RASEF: variants seen among roughly 807,000 people sequenced by gnomAD.
RASEF encodes ras and EF-hand domain-containing protein.
In RASEF, 68 loss-of-function variants were observed where a neutral mutation model predicts 90.1. The observed-to-expected ratio is 0.75, with a 90% CI of 0.62 to 0.92. The LOEUF (loss-of-function observed/expected upper bound fraction) is 0.92, where lower values mean the gene tolerates loss of function less well. Ranked by LOEUF, RASEF falls within the 40% of genes least tolerant of loss-of-function variation. RASEF has a pLI of 0.00. For missense variants in RASEF, 949 were observed against 937.2 expected (o/e 1.01, Z -0.16); for synonymous variants, 331 against 345.2 (o/e 0.96, Z 0.46).
the RASEF span, among the ~76,000 whole-genome samples, chr9:83,213,547 A>G: frequency 4.6e-5 from 7 of 152,286 alleles, no homozygotes; most frequent in East Asian, 1.2e-3. Context: ...ATAACCTGCA[A>G]TTCCATCTCA....
the RASEF span, among the ~76,000 whole-genome samples, chr9:83,191,044 T>C: frequency 6.5e-4 from 99 of 152,304 alleles, no homozygotes; most frequent in Middle Eastern, 3.4e-3. Context: ...GAGACATTCT[T>C]ACAAAGGAAT....
the RASEF span, among the ~76,000 whole-genome samples, chr9:83,173,365 C>T: frequency 4.6e-5 from 7 of 151,722 alleles, no homozygotes; most frequent in Non-Finnish European, 7.4e-5. Context: ...TTATGGCCAC[C>T]GACTCAAGAT....
At chr9:83,146,941 C>G in the RASEF span, among the ~76,000 whole-genome samples, 2 of 151,686 alleles carry the variant, frequency 1.3e-5, no homozygotes, top group African/African-American at 2.4e-5. Context: ...TACAATATGA[C>G]TATGCTCTGT....
the RASEF span, among the ~76,000 whole-genome samples, chr9:83,194,442 G>A: frequency 1.3e-5 from 2 of 152,182 alleles, no homozygotes; most frequent in Admixed American, 6.5e-5. Flanking sequence ...CCCTACATGA[G>A]GGGTAGAAGC....
At chr9:82,998,491 A>G in intron 12 of RASEF, 45 bp from the exon 13 acceptor site, 1 of 1,261,738 alleles carries the variant, frequency 7.9e-7, no homozygotes, top group Non-Finnish European at 1.2e-6. Context: ...AAATAATTCC[A>G]TTGGCTTTTT....
chr9:83,164,821 T>C, the RASEF span, among the ~76,000 whole-genome samples: 1 of 151,988 alleles, frequency 6.6e-6, no homozygotes, highest in African/African-American at 2.4e-5. Context: ...AAATATACCA[T>C]GTTCATACTA....
chr9:83,005,656 GAT>G (rs1587488359), intron 7 of RASEF, among the ~76,000 whole-genome samples, 156 bp from the exon 8 acceptor site: 1 of 152,164 alleles, frequency 6.6e-6, no homozygotes, highest in African/African-American at 2.4e-5. Flanking sequence ...CAAAAACTGA[GAT>G]AATTCATTAC....
rs1226920788 is a variant in RASEF, at chr9:82,997,103, T to C, written c.1829A>G (p.Tyr610Cys). 6.2e-7 allele frequency: 1 copy of C among 1,612,258 alleles called. No homozygotes were observed. The highest frequency in any genetic ancestry group is 1.7e-5 in the Admixed American group (1 of 60,022). Residue 610 changes from tyrosine (Y) to cysteine (C), a missense_variant, in exon 14 of 17, where the codon TAC (tyrosine) becomes TGC (cysteine). Tyr to Cys is a radical substitution (Grantham distance 194). This residue lies in a region of RASEF where 288 missense variants were observed against 328.4 expected (regional missense o/e 0.88). Transcript: ENST00000376447. ...CAAAACACCATCTGCCTTTCTGAAG[T>C]AAGACTTGGCAATACTTCTGAATCT... is the stretch of plus-strand genomic sequence containing the variant. ...QERFRSIAKS[Y>C]FRKADGVLLL...
At chr9:83,218,232 G>C in the RASEF span, among the ~76,000 whole-genome samples, 1 of 152,216 alleles carries the variant, frequency 6.6e-6, no homozygotes, top group African/African-American at 2.4e-5. Flanking sequence ...GTGGAAGCCA[G>C]ATCCTGGGAG....
the RASEF span, among the ~76,000 whole-genome samples, chr9:83,210,330 T>C: frequency 6.6e-6 from 1 of 152,218 alleles, no homozygotes; most frequent in African/African-American, 2.4e-5. Context: ...AGACTTCCTT[T>C]AAGGAAAGGA....
upstream of RASEF, among the ~76,000 whole-genome samples, chr9:83,063,605 T>C (rs1663917774): frequency 6.6e-6 from 1 of 152,232 alleles, no homozygotes; most frequent in South Asian, 2.1e-4. Context: ...GTCCCACTGC[T>C]TAAACACAGA....
In RASEF at chr9:83,000,431, A is replaced by G. The variant is rs983934371; in HGVS notation, c.1575+2T>C. The G allele has an allele frequency of 6.2e-7, 1 of 1,613,836 alleles. No individual in the cohort carries two copies. The highest frequency in any genetic ancestry group is 1.3e-5 in the African/African-American group (1 of 75,026). Reference sequence around the variant, plus strand: ...AATAGGAGTGTCTCGGAGACCACCTACCTGGGGCGAGAGTGCTGAGATGGG... The same window carrying G: ...AATAGGAGTGTCTCGGAGACCACCTGCCTGGGGCGAGAGTGCTGAGATGGG... On this transcript the variant is annotated splice_donor_variant, in intron 11 of 16. Coordinates refer to ENST00000376447, the MANE Select transcript of RASEF (RefSeq NM_152573.4). LOFTEE classifies it high-confidence loss of function.
the RASEF span, among the ~76,000 whole-genome samples, chr9:83,187,660 C>T: frequency 6.6e-6 from 1 of 152,124 alleles, no homozygotes; most frequent in Non-Finnish European, 1.5e-5. Context: ...TCTCTGTAAC[C>T]AGTTAGCCAA....
the RASEF span, among the ~76,000 whole-genome samples, chr9:83,164,080 A>C: frequency 1.3e-5 from 2 of 150,916 alleles, no homozygotes; most frequent in Non-Finnish European, 3.0e-5. Flanking sequence ...AGACTTTCTC[A>C]GACAAACAAA....
the RASEF span, among the ~76,000 whole-genome samples, chr9:83,080,221 G>A: frequency 6.6e-6 from 1 of 152,170 alleles, no homozygotes; most frequent in African/African-American, 2.4e-5. Flanking sequence ...GAGAACAGGA[G>A]GAAAGTGATA....
the RASEF span, among the ~76,000 whole-genome samples, chr9:83,127,289 G>T: frequency 6.6e-6 from 1 of 152,194 alleles, no homozygotes; most frequent in African/African-American, 2.4e-5. Flanking sequence ...AATACAAGAT[G>T]ATTGGTTGCC....
At chr9:83,076,743 T>C in the RASEF span, among the ~76,000 whole-genome samples, 1 of 152,178 alleles carries the variant, frequency 6.6e-6, no homozygotes, top group African/African-American at 2.4e-5. Flanking sequence ...GAAAAATTCA[T>C]TACAAAAACC....
intron 12 of RASEF, among the ~76,000 whole-genome samples, chr9:82,998,917 T>C (rs1461105099): frequency 6.6e-6 from 1 of 152,192 alleles, no homozygotes; most frequent in Non-Finnish European, 1.5e-5. Flanking sequence ...TAAACATGTA[T>C]ACATATGCGT....
At chr9:83,088,844 T>C in the RASEF span, among the ~76,000 whole-genome samples, 8 of 152,028 alleles carry the variant, frequency 5.3e-5, no homozygotes, top group Non-Finnish European at 7.4e-5. Flanking sequence ...ATAGATACCA[T>C]AGAGTTGTAT....
Sources: allele counts gnomAD v4.1 joint callset (sites outside exome capture counted in the v4.1 genomes callset), GRCh38; gene constraint gnomAD v4.1.1; regional missense constraint gnomAD v4.1.1; transcripts MANE v1.5; gene names NCBI Gene and HGNC (gene_info 2026-07-23, HGNC 2026-07-21).